The following SNRPN variants were observed in gnomAD, a reference collection of about 807,000 sequenced individuals.
The protein encoded by SNRPN is small nuclear ribonucleoprotein-associated protein N.
Under a neutral mutation model 25.2 loss-of-function variants are expected in SNRPN, and 7 were observed. The observed-to-expected ratio is 0.28, with a 90% confidence interval of 0.16 to 0.52. The LOEUF (loss-of-function observed/expected upper bound fraction) is 0.52, where lower values mean the gene tolerates loss of function less well. SNRPN is among the 20% of genes least tolerant of loss of function. SNRPN has a pLI of 0.96. For synonymous variants in SNRPN, 124 were observed against 110.6 expected, an observed-to-expected ratio of 1.12 and a Z score of -0.76; for missense variants, 196 against 322.5, an observed-to-expected ratio of 0.61 and a Z score of 3.00.
intron 1 of SNRPN, among the ~76,000 whole-genome samples, chr15:24,876,427 G>A (rs570930230): frequency 6.6e-6 from 1 of 152,178 alleles, no homozygotes; most frequent in African/African-American, 2.4e-5. Flanking sequence ...GACCAGCCTG[G>A]CCAACATGGT....
intron 1 of SNRPN, among the ~76,000 whole-genome samples, chr15:24,862,642 TAA>T (rs1295469612): frequency 2.0e-5 from 3 of 151,068 alleles, no homozygotes; most frequent in Admixed American, 2.0e-4. Flanking sequence ...CTCAGGTGTT[TAA>T]GACGAGTGAG....
chr15:24,896,070 A>C (rs1472594972), intron 2 of SNRPN, among the ~76,000 whole-genome samples: 2 of 152,254 alleles, frequency 1.3e-5, no homozygotes, highest in African/African-American at 4.8e-5. Flanking sequence ...TTAAAGATGC[A>C]CAGAACACAT....
chr15:24,910,342 G>A (rs576706654), intron 2 of SNRPN, among the ~76,000 whole-genome samples: 33 of 152,236 alleles, frequency 2.2e-4, no homozygotes, highest in African/African-American at 6.5e-4. Context: ...GATTAGCTGG[G>A]CATGGTGGCA....
intron 2 of SNRPN, among the ~76,000 whole-genome samples, chr15:24,911,556 G>A (rs1299533955): frequency 6.6e-6 from 1 of 152,138 alleles, no homozygotes; most frequent in Non-Finnish European, 1.5e-5. Context: ...TGGTTCAGGT[G>A]GGCCCAGGTA....
intron 1 of SNRPN, among the ~76,000 whole-genome samples, chr15:24,866,009 G>C (rs2054539378): frequency 6.6e-6 from 1 of 152,120 alleles, no homozygotes; most frequent in Non-Finnish European, 1.5e-5. Context: ...TATTTTTCCT[G>C]TTTTAACGGT....
intron 1 of SNRPN, among the ~76,000 whole-genome samples, chr15:24,866,636 A>G (rs2054596721): frequency 6.6e-6 from 1 of 152,148 alleles, no homozygotes; most frequent in Admixed American, 6.6e-5. Flanking sequence ...ATCTCTTGAA[A>G]TTATTCCTCC....
At chr15:24,891,469 G>A (rs1455991061) in intron 2 of SNRPN, among the ~76,000 whole-genome samples, 2 of 150,280 alleles carry the variant, frequency 1.3e-5, no homozygotes, top group African/African-American at 2.5e-5. Flanking sequence ...ACGGATTCTC[G>A]CTGTGTTGCC....
chr15:24,924,089 T>C (rs567068469), intron 3 of SNRPN, among the ~76,000 whole-genome samples: 61 of 151,566 alleles, frequency 4.0e-4, no homozygotes, highest in Non-Finnish European at 7.7e-4. Context: ...AGGGAAGACC[T>C]TTCCTCTACT....
intron 3 of SNRPN, among the ~76,000 whole-genome samples, chr15:24,938,720 C>T (rs553911268): frequency 3.9e-5 from 6 of 152,188 alleles, no homozygotes; most frequent in African/African-American, 1.4e-4. Flanking sequence ...ACTGGGGACT[C>T]CAAGGGAAAC....
At chr15:24,882,311 A>G (rs12901043) in intron 1 of SNRPN, among the ~76,000 whole-genome samples, 21,820 of 152,130 alleles carry the variant, frequency 0.14, 1,822 homozygotes, top group Admixed American at 0.25. Flanking sequence ...TCTTACATAA[A>G]ATTTGGCTAA....
chr15:24,954,749 G>T (rs985151540), upstream of SNRPN, among the ~76,000 whole-genome samples: 1 of 152,204 alleles, frequency 6.6e-6, no homozygotes, highest in Admixed American at 6.5e-5. Context: ...AAAACAGGTA[G>T]ACATGTCCAT....
intron 2 of SNRPN, among the ~76,000 whole-genome samples, chr15:24,918,572 GTATATATATAACATAATATA>G (rs1566909271): frequency 2.4e-5 from 2 of 81,644 alleles, no homozygotes; most frequent in Non-Finnish European, 2.4e-5. Flanking sequence ...TAATATATAT[GTATATATATAACATAATATA>G]TATGTATATA....
At chr15:24,904,057 G>A (rs55852993) in intron 2 of SNRPN, among the ~76,000 whole-genome samples, 62,676 of 150,400 alleles carry the variant, frequency 0.42, 13,227 homozygotes, top group African/African-American at 0.44. Flanking sequence ...AAAAAAGATC[G>A]GAGCAAGAAA....
chr15:24,964,790 G>A (rs886445972), intron 2 of SNRPN, among the ~76,000 whole-genome samples: 9 of 152,166 alleles, frequency 5.9e-5, no homozygotes, highest in Non-Finnish European at 1.2e-4. Flanking sequence ...TGTAACCTCA[G>A]TGTGGACTAA....
At chr15:24,921,349 C>T (rs144621257) in intron 3 of SNRPN, 38 of 152,276 alleles carry the variant, frequency 2.5e-4, no homozygotes, top group African/African-American at 8.4e-4. Context: ...TGAGGAGTTA[C>T]AGTCCCTCTC....
At chr15:24,845,360 G>T (rs1485022134) in intron 2 of SNRPN, among the ~76,000 whole-genome samples, 1 of 152,178 alleles carries the variant, frequency 6.6e-6, no homozygotes, top group Admixed American at 6.6e-5. Context: ...CACTTTGGGA[G>T]GCCAAGGCAG....
chr15:24,904,091 T>C (rs778481523), intron 2 of SNRPN, among the ~76,000 whole-genome samples: 1 of 150,744 alleles, frequency 6.6e-6, no homozygotes, highest in Non-Finnish European at 1.5e-5. Context: ...GGTAAAAACA[T>C]AGAAACGACT....
intron 3 of SNRPN, among the ~76,000 whole-genome samples, chr15:24,938,934 ATTG>A (rs1747238484): frequency 1.3e-5 from 2 of 152,174 alleles, no homozygotes; most frequent in South Asian, 4.1e-4. Context: ...TTATAGACAA[ATTG>A]TTATTATATT....
intron 1 of SNRPN, among the ~76,000 whole-genome samples, chr15:24,865,795 A>C (rs2054521628): frequency 6.6e-6 from 1 of 152,090 alleles, no homozygotes; most frequent in Non-Finnish European, 1.5e-5. Flanking sequence ...TTTAATATGA[A>C]TGCTGGTCAG....
Sources: allele counts gnomAD v4.1 joint callset (sites outside exome capture counted in the v4.1 genomes callset), GRCh38; gene constraint gnomAD v4.1.1; transcripts MANE v1.5; gene names NCBI Gene and HGNC (gene_info 2026-07-23, HGNC 2026-07-21).